GNAI1: variants seen among roughly 807,000 people sequenced by gnomAD.
GNAI1 encodes G protein subunit alpha i1, also known as guanine nucleotide-binding protein G(i) subunit alpha-1.
GNAI1 carries 11 observed loss-of-function variants against 38.9 expected under a neutral mutation model. The observed-to-expected ratio is 0.28, with a 90% CI of 0.18 to 0.47. The LOEUF (loss-of-function observed/expected upper bound fraction) is 0.47, where lower values mean the gene tolerates loss of function less well. Among genes scored for constraint, GNAI1 ranks in the 20% least tolerant of loss-of-function variants. GNAI1 has a pLI of 0.99. For missense variants in GNAI1, 317 were observed against 436.9 expected (o/e 0.73, Z 2.45); for synonymous variants, 166 against 145.1 (o/e 1.14, Z -1.04).
chr7:80,146,295 G>C (rs912455873), intron 1 of GNAI1, among the ~76,000 whole-genome samples: 1 of 152,156 alleles, frequency 6.6e-6, no homozygotes, highest in African/African-American at 2.4e-5. Flanking sequence ...TCTGCCATGG[G>C]ATGCCTGGGA....
chr7:80,192,360 A>T (rs1788496780), intron 3 of GNAI1, among the ~76,000 whole-genome samples: 1 of 152,142 alleles, frequency 6.6e-6, no homozygotes, highest in African/African-American at 2.4e-5. Context: ...ATTTTATAAT[A>T]TCTTTTGCCT....
chr7:80,149,279 T>A (rs1301183201), intron 1 of GNAI1, among the ~76,000 whole-genome samples: 1 of 152,174 alleles, frequency 6.6e-6, no homozygotes, highest in Non-Finnish European at 1.5e-5. Context: ...ATAATTGATG[T>A]CGCCTACATT....
intron 1 of GNAI1, among the ~76,000 whole-genome samples, chr7:80,147,239 G>A (rs1187637056): frequency 6.6e-6 from 1 of 152,020 alleles, no homozygotes; most frequent in Non-Finnish European, 1.5e-5. Flanking sequence ...CTGAATATTT[G>A]TATTCCCCCA....
intron 1 of GNAI1, among the ~76,000 whole-genome samples, chr7:80,146,309 T>C (rs1463521611): frequency 1.3e-5 from 2 of 152,178 alleles, no homozygotes; most frequent in Non-Finnish European, 2.9e-5. Flanking sequence ...CCTGGGAAAG[T>C]AAGGCACTTG....
At chr7:80,202,959 A>G (rs745743956) in intron 4 of GNAI1, among the ~76,000 whole-genome samples, 6 of 152,098 alleles carry the variant, frequency 3.9e-5, no homozygotes, top group Non-Finnish European at 8.8e-5. Context: ...CTATCCATGA[A>G]TCCTTCTTTA....
chr7:80,157,698 G>A (rs1024530032), intron 1 of GNAI1, among the ~76,000 whole-genome samples: 2 of 152,006 alleles, frequency 1.3e-5, no homozygotes, highest in Non-Finnish European at 2.9e-5. Flanking sequence ...CATATGTGAA[G>A]CACCTTTTTT....
At chr7:80,195,349 C>G (rs568475440) in intron 3 of GNAI1, among the ~76,000 whole-genome samples, 2 of 151,770 alleles carry the variant, frequency 1.3e-5, no homozygotes, top group Non-Finnish European at 2.9e-5. Flanking sequence ...TTTTTCCCCC[C>G]TTTTAAGTAT....
At position 80,206,379 on chromosome 7, in the gene GNAI1, C is replaced by T. The variant is rs530537049; in HGVS notation, c.590+2547C>T. ...CTTAAAGCCTTCAGTGGACATTTTA[C>T]GCTGCTGTCATTATCTGTTACTGAA... On this transcript the variant is annotated intron_variant, in intron 5 of 7. Coordinates refer to ENST00000649796, the MANE Select transcript of GNAI1 (RefSeq NM_002069.6). Among the ~76,000 whole-genome samples the T allele has an allele frequency of 3.5e-5, 5 of 143,038 alleles. No individual in the cohort carries two copies. The South Asian group carries it at 8.3e-4, about 24-fold the overall frequency. 93.8% of individuals were successfully genotyped at this position (143,038 alleles called of 152,430 possible).
chr7:80,200,198 C>T lies in GNAI1; in HGVS notation c.461+816C>T, dbSNP rs555537143. Reference sequence around the variant, plus strand: ...AATTAGCCAGTCATGATGGTGCACACGTGTGGTCCCAGTTACTCAGCGGGG... The same window carrying T: ...AATTAGCCAGTCATGATGGTGCACATGTGTGGTCCCAGTTACTCAGCGGGG... On this transcript the variant is annotated intron_variant, in intron 4 of 7. Transcript: ENST00000649796. Among the ~76,000 whole-genome samples the T allele has an allele frequency of 1.3e-4, 20 of 151,536 alleles. No homozygotes were observed. The East Asian group carries it at 3.5e-3, about 27-fold the overall frequency.
intron 1 of GNAI1, among the ~76,000 whole-genome samples, chr7:80,183,919 G>A (rs537324200): frequency 9.9e-5 from 15 of 152,088 alleles, no homozygotes; most frequent in Non-Finnish European, 1.8e-4. Flanking sequence ...CCGGTAGGCT[G>A]CTGTATGTTT....
At chr7:80,135,459 T>C in intron 1 of GNAI1, 181 bp downstream of exon 1, 1 of 416,692 alleles carries the variant, frequency 2.4e-6, no homozygotes, top group Admixed American at 4.4e-5. Flanking sequence ...GTCTGGTCTC[T>C]CTCCGCCCCG....
intron 1 of GNAI1, among the ~76,000 whole-genome samples, chr7:80,169,752 G>T (rs950271639): frequency 6.6e-6 from 1 of 151,896 alleles, no homozygotes; most frequent in African/African-American, 2.4e-5. Context: ...GCATAATGTC[G>T]TGCAGCCATT....
chr7:80,178,300 C>CT (rs770260227), intron 1 of GNAI1, among the ~76,000 whole-genome samples: 4 of 152,174 alleles, frequency 2.6e-5, no homozygotes, highest in African/African-American at 4.8e-5. Context: ...GATTTAGAAT[C>CT]TTAAATAAAC....
At chr7:80,175,219 G>A (rs1195625873) in intron 1 of GNAI1, among the ~76,000 whole-genome samples, 1 of 152,096 alleles carries the variant, frequency 6.6e-6, no homozygotes, top group Non-Finnish European at 1.5e-5. Flanking sequence ...GAACTTTCAA[G>A]CCAAATAAAA....
chr7:80,141,545 C>G (rs559007852), intron 1 of GNAI1, among the ~76,000 whole-genome samples: 2 of 152,260 alleles, frequency 1.3e-5, no homozygotes, highest in African/African-American at 4.8e-5. Context: ...CTCTGTGACT[C>G]TTTACTCCAC....
intron 2 of GNAI1, 46 bp downstream of exon 2, chr7:80,189,039 G>T (rs374469252): frequency 1.9e-6 from 3 of 1,600,642 alleles, no homozygotes; most frequent in Middle Eastern, 3.4e-4. Context: ...TTAGTGTACC[G>T]TTCTACCAAA....
intron 1 of GNAI1, among the ~76,000 whole-genome samples, chr7:80,144,698 G>A (rs962993255): frequency 2.0e-5 from 3 of 152,042 alleles, no homozygotes; most frequent in African/African-American, 7.2e-5. Flanking sequence ...GTTCTTCATG[G>A]TATTTAAGAG....
At chr7:80,187,760 A>G (rs967533651) in intron 1 of GNAI1, among the ~76,000 whole-genome samples, 1 of 152,214 alleles carries the variant, frequency 6.6e-6, no homozygotes, top group African/African-American at 2.4e-5. Flanking sequence ...TGTGAAGCCA[A>G]ATGATAGACT....
Position 80,186,366 on chromosome 7 carries a change from T to C in GNAI1, c.119-2585T>C, listed in dbSNP as rs542469925. Among the ~76,000 whole-genome samples, 106 of 152,278 alleles carry C rather than the reference T, an allele frequency of 7.0e-4. 1 individual carries two copies. Among genetic ancestry groups the C allele is most frequent in the Admixed American group, 2.7e-3 (41 of 15,302 alleles). On this transcript the variant is annotated intron_variant, in intron 1 of 7. Coordinates refer to ENST00000649796, the MANE Select transcript of GNAI1 (RefSeq NM_002069.6). ...TAATGTTAAACAGATTTCAGGACTT[T>C]TTGAACCACAAGCCATTGACTGGAT...
Sources: gnomAD v4.1 joint callset for allele counts (sites outside exome capture counted in the v4.1 genomes callset) on GRCh38, gnomAD v4.1.1 for gene constraint, MANE v1.5 for transcripts, NCBI Gene and HGNC (gene_info 2026-07-23, HGNC 2026-07-21) for gene names.